SORCS1: variants seen among roughly 807,000 people sequenced by gnomAD.
SORCS1 encodes sortilin related VPS10 domain containing receptor 1.
A neutral mutation model predicts 146.1 loss-of-function variants in SORCS1; 60 were observed. The observed-to-expected ratio is 0.41, with a 90% CI of 0.33 to 0.51. The LOEUF (loss-of-function observed/expected upper bound fraction) is 0.51, where lower values mean the gene tolerates loss of function less well. SORCS1 is among the 20% of genes least tolerant of loss of function. SORCS1 has a pLI of 0.21. For missense variants in SORCS1, 1,352 were observed against 1,487.6 expected (o/e 0.91, Z 1.50); for synonymous variants, 637 against 584.0 (o/e 1.09, Z -1.31).
chr10:107,003,903 C>T (rs574308360), intron 1 of SORCS1, among the ~76,000 whole-genome samples: 3 of 152,146 alleles, frequency 2.0e-5, no homozygotes, highest in East Asian at 1.9e-4. Context: ...CGGCTGGGTG[C>T]GGTGGCTCAT....
chr10:106,652,277 C>A, intron 18 of SORCS1, 105 bp downstream of exon 18: 4 of 1,220,264 alleles, frequency 3.3e-6, no homozygotes, highest in South Asian at 2.1e-5. Context: ...TTTTAAATAG[C>A]ATCTAAAATG....
intron 1 of SORCS1, among the ~76,000 whole-genome samples, chr10:107,003,958 A>G (rs1442885185): frequency 5.9e-5 from 9 of 151,960 alleles, no homozygotes; most frequent in Non-Finnish European, 1.2e-4. Context: ...GGTGGATCAC[A>G]AGGTCAGGAG....
chr10:106,724,436 G>A (rs1252318644), intron 6 of SORCS1, among the ~76,000 whole-genome samples: 1 of 151,754 alleles, frequency 6.6e-6, no homozygotes, highest in Non-Finnish European at 1.5e-5. Context: ...CCAGGAGGTG[G>A]AGGTTGCAGT....
chr10:106,620,693 G>A (rs766352007), intron 19 of SORCS1, 132 bp from the exon 20 acceptor site: 2 of 1,101,556 alleles, frequency 1.8e-6, no homozygotes, highest in Non-Finnish European at 2.5e-6. Flanking sequence ...CAAAAGAAGT[G>A]TTCAGATGCT....
chr10:106,792,662 G>T (rs1946372804), intron 3 of SORCS1, among the ~76,000 whole-genome samples: 1 of 152,296 alleles, frequency 6.6e-6, no homozygotes, highest in African/African-American at 2.4e-5. Context: ...GTAAGCACGG[G>T]CTTATAGAGT....
intron 21 of SORCS1, among the ~76,000 whole-genome samples, chr10:106,615,710 C>T (rs1009618921): frequency 2.6e-5 from 4 of 151,998 alleles, no homozygotes; most frequent in Non-Finnish European, 5.9e-5. Flanking sequence ...TAAGGGTGGC[C>T]GATGGTGCAG....
chr10:106,798,711 A>G (rs552549056), intron 3 of SORCS1, among the ~76,000 whole-genome samples: 24 of 152,274 alleles, frequency 1.6e-4, no homozygotes, highest in African/African-American at 5.1e-4. Flanking sequence ...GGTTGGTTCC[A>G]AGTCTTTGCT....
rs35223659 is a variant in SORCS1, at chr10:106,665,388, C to CTT, written c.2303+2299_2303+2300dup. Among the ~76,000 whole-genome samples the CTT allele has an allele frequency of 0.012, 1,666 of 134,980 alleles. 113 individuals are homozygous for CTT. The East Asian group carries it at 0.21, about 17-fold the overall frequency. 88.6% of individuals were successfully genotyped at this position (134,980 alleles called of 152,430 possible). On this transcript the variant is annotated intron_variant, in intron 17 of 25. Coordinates refer to ENST00000263054, the MANE Select transcript of SORCS1 (RefSeq NM_052918.5). ...TCCTTCCCTTTTTTTTTCTCTCTCT[C>CTT]TTTTTTTTTTTTTTTAATAGATGGG...
intron 1 of SORCS1, among the ~76,000 whole-genome samples, chr10:107,146,146 T>C (rs889643580): frequency 3.1e-4 from 47 of 152,148 alleles, no homozygotes; most frequent in African/African-American, 1.1e-3. Flanking sequence ...GCTTATGATA[T>C]AGATGTAGAA....
chr10:106,583,316 G>A (rs74518882), intron 24 of SORCS1, among the ~76,000 whole-genome samples: 5,429 of 152,242 alleles, frequency 0.036, 137 homozygotes, highest in Non-Finnish European at 0.049. Context: ...TTCCCCATAT[G>A]GAGATTCACA....
intron 2 of SORCS1, among the ~76,000 whole-genome samples, chr10:106,906,526 G>A (rs2138151438): frequency 6.6e-6 from 1 of 152,266 alleles, no homozygotes; most frequent in African/African-American, 2.4e-5. Flanking sequence ...GAGAAAATAA[G>A]GAAGAAGCAA....
rs529720990 is a variant in SORCS1, at chr10:107,119,209, T to G, written c.558+44760A>C. Among the ~76,000 whole-genome samples, 10 of 152,340 alleles carry G rather than the reference T, an allele frequency of 6.6e-5. No individual in the cohort carries two copies. In the South Asian group the frequency reaches 2.1e-3, roughly 32 times the overall value. ...AGATTTTGAAGTACACTTTCAAAAC[T>G]GCAAAAGAATTGGTAAGGGTTTAGA... is the stretch of plus-strand genomic sequence containing the variant. On this transcript the variant is annotated intron_variant, in intron 1 of 25. Coordinates refer to ENST00000263054, the MANE Select transcript of SORCS1 (RefSeq NM_052918.5).
Position 107,067,296 on chromosome 10 carries a change from CTTT to C in SORCS1, c.558+96670_558+96672del, listed in dbSNP as rs145060045. Reference sequence around the variant, plus strand: ...AGAGTGGCTACTTAGTTCAACTTAACTTTTTTTTTTTTTTTTCCAACAGGTTGC... The same window carrying C: ...AGAGTGGCTACTTAGTTCAACTTAACTTTTTTTTTTTTTCCAACAGGTTGC... On this transcript the variant is annotated intron_variant, in intron 1 of 25. Coordinates refer to ENST00000263054, the MANE Select transcript of SORCS1 (RefSeq NM_052918.5). Among the ~76,000 whole-genome samples the C allele has an allele frequency of 1.3e-3, 191 of 146,286 alleles. 1 individual carries two copies. Among genetic ancestry groups the C allele is most frequent in the Non-Finnish European group, 1.6e-3 (107 of 66,406 alleles).
chr10:106,852,066 T>C (rs1360986482), intron 2 of SORCS1, among the ~76,000 whole-genome samples: 1 of 152,228 alleles, frequency 6.6e-6, no homozygotes. Context: ...AATTACTTAT[T>C]AGTTTTTTCA....
chr10:107,169,509 G>C (rs1397904924), upstream of SORCS1, among the ~76,000 whole-genome samples: 1 of 152,066 alleles, frequency 6.6e-6, no homozygotes, highest in Non-Finnish European at 1.5e-5. Flanking sequence ...TTAAAAACAG[G>C]GCTAAGATTA....
intron 24 of SORCS1, among the ~76,000 whole-genome samples, chr10:106,588,451 C>T (rs1203124672): frequency 6.6e-6 from 1 of 152,102 alleles, no homozygotes; most frequent in Non-Finnish European, 1.5e-5. Flanking sequence ...GATAGTCGTT[C>T]ACCTTTCCTT....
At chr10:106,670,972 G>A (rs1851550319) in intron 16 of SORCS1, among the ~76,000 whole-genome samples, 2 of 152,048 alleles carry the variant, frequency 1.3e-5, no homozygotes, top group Non-Finnish European at 2.9e-5. Flanking sequence ...GGCATTACAG[G>A]CATGAGCCAC....
chr10:106,909,841 A>G (rs1388630252), intron 2 of SORCS1, among the ~76,000 whole-genome samples: 1 of 152,218 alleles, frequency 6.6e-6, no homozygotes, highest in Non-Finnish European at 1.5e-5. Flanking sequence ...TGACCAAATG[A>G]TACCTATCCA....
intron 3 of SORCS1, among the ~76,000 whole-genome samples, chr10:106,795,055 T>C (rs1380136492): frequency 6.6e-6 from 1 of 152,218 alleles, no homozygotes; most frequent in Non-Finnish European, 1.5e-5. Context: ...ACAGAGTGGG[T>C]GTTCATTATG....
Sources: gnomAD v4.1 joint callset for allele counts (sites outside exome capture counted in the v4.1 genomes callset) on GRCh38, gnomAD v4.1.1 for gene constraint, MANE v1.5 for transcripts, NCBI Gene and HGNC (gene_info 2026-07-23, HGNC 2026-07-21) for gene names.